The following IQANK1 variants were observed in gnomAD, a reference collection of about 807,000 sequenced individuals.
IQANK1 encodes the protein IQ motif and ankyrin repeat domain-containing protein 1.
IQANK1 carries 30 observed loss-of-function variants against 22.6 expected under a neutral mutation model. The ratio of observed to expected loss-of-function variants is 1.33; its 90% CI spans 0.99 to 1.80. The LOEUF (loss-of-function observed/expected upper bound fraction) is 1.80. Among genes scored for constraint, IQANK1 ranks in the 40% most tolerant of loss-of-function variants. The probability of loss-of-function intolerance (pLI) is 0.00; values close to 1 mark genes in which losing one functional copy is unlikely to be tolerated. For missense variants in IQANK1, 275 were observed against 235.2 expected (o/e 1.17, Z -1.11); for synonymous variants, 122 against 99.6 (o/e 1.23, Z -1.34).
At chr8:143,776,864 G>A (rs546358055) in intron 7 of IQANK1, among the ~76,000 whole-genome samples, 14 of 152,216 alleles carry the variant, frequency 9.2e-5, no homozygotes, top group African/African-American at 3.4e-4. Context: ...GCCTACTCCC[G>A]TCAGCCAGGG....
intron 3 of IQANK1, among the ~76,000 whole-genome samples, chr8:143,766,113 T>C (rs1379877310): frequency 6.6e-6 from 1 of 152,126 alleles, no homozygotes; most frequent in Non-Finnish European, 1.5e-5. Flanking sequence ...GTGCGTGGTA[T>C]TAGGTGAGGT....
chr8:143,736,923 G>A (rs1472239819), intron 2 of IQANK1, among the ~76,000 whole-genome samples: 1 of 152,144 alleles, frequency 6.6e-6, no homozygotes, highest in Admixed American at 6.5e-5. Flanking sequence ...ACTGGGGTCT[G>A]TGCTTGCTAA....
chr8:143,745,188 A>G (rs1352711006), intron 3 of IQANK1: 1 of 152,240 alleles, frequency 6.6e-6, no homozygotes, highest in Non-Finnish European at 1.5e-5. Context: ...TTTCACTCAA[A>G]TCTGGAAACT....
chr8:143,780,085 C>G (rs529919165), intron 7 of IQANK1, among the ~76,000 whole-genome samples: 1 of 152,104 alleles, frequency 6.6e-6, no homozygotes, highest in African/African-American at 2.4e-5. Flanking sequence ...CATGTAGTAA[C>G]TACCTGACTC....
chr8:143,767,877 C>CTTTTTTT (rs782768885), intron 3 of IQANK1, among the ~76,000 whole-genome samples: 1 of 78,788 alleles, frequency 1.3e-5, no homozygotes, highest in Admixed American at 1.4e-4. Flanking sequence ...GGAGCGAGAC[C>CTTTTTTT]TTTTTTTTTT....
At chr8:143,762,383 G>A (rs1181344721) in intron 3 of IQANK1, among the ~76,000 whole-genome samples, 7 of 151,986 alleles carry the variant, frequency 4.6e-5, no homozygotes, top group Admixed American at 3.3e-4. Context: ...CAGTGTAGAC[G>A]GCTGGATGTT....
intron 7 of IQANK1, among the ~76,000 whole-genome samples, chr8:143,773,345 GC>G (rs1819622980): frequency 1.3e-5 from 2 of 148,844 alleles, no homozygotes; most frequent in South Asian, 4.2e-4. Flanking sequence ...AACAGAGTCT[GC>G]CCTGGGCCAG....
chr8:143,748,454 A>G (rs905000713), intron 3 of IQANK1, among the ~76,000 whole-genome samples: 2 of 142,808 alleles, frequency 1.4e-5, no homozygotes, highest in African/African-American at 2.6e-5. Flanking sequence ...TATATATCAT[A>G]TATAAATATA....
chr8:143,770,098 T>C (rs782547464), intron 3 of IQANK1, among the ~76,000 whole-genome samples: 23 of 152,178 alleles, frequency 1.5e-4, no homozygotes, highest in Non-Finnish European at 2.8e-4. Flanking sequence ...TGAGACCCTG[T>C]CTCAAAAAGA....
In IQANK1 at chr8:143,788,938, G is replaced by A. The variant is rs1554631758; in HGVS notation, c.813G>A (p.Val271=). Residue 271 remains valine (V), a synonymous_variant, in exon 8 of 14, where the codon GTG becomes GTA. Transcript: ENST00000527139. ...PERVASLDTV[V]SVLRSWDLSL... The stretch of plus-strand genomic sequence containing the variant: ...AGGTGGCCTCACTGGACACAGTGGT[G>A]AGCGTGCTGCGCTCGTGGGACCTGA... The A allele has an allele frequency of 1.8e-5, 7 of 399,108 alleles. No individual in the cohort carries two copies. The highest frequency in any genetic ancestry group is 2.7e-5 in the Non-Finnish European group (6 of 226,196). 24.7% of individuals were successfully genotyped at this position (399,108 alleles called of 1,614,324 possible). A position where few individuals can be genotyped will look rare whatever the true frequency, so the allele number is the denominator to read the frequency against.
rs1327477980 is a variant in IQANK1, at chr8:143,790,028, T to C, written c.1253T>C (p.Met418Thr). 2.0e-5 allele frequency: 25 copies of C among 1,231,950 alleles called. No homozygotes were observed. Among genetic ancestry groups the C allele is most frequent in the Non-Finnish European group, 2.4e-5 (24 of 988,026 alleles). The allele number at this position is 1,231,950 out of a possible 1,614,324, so 76.3% of individuals were successfully genotyped here. The change falls in exon 12 of 14, where the codon ATG becomes ACG. Residue 418 changes from methionine to threonine, a missense_variant. Met to Thr is a moderately conservative substitution (Grantham distance 81). Coordinates refer to ENST00000527139, the MANE Select transcript of IQANK1 (RefSeq NM_001381874.1). ...GTCACCGAGCTGCACGATGTGCTGATGAAAGATGTAGGCAACCGCATCCGT... is the reference window on the plus strand; with the variant it reads ...GTCACCGAGCTGCACGATGTGCTGACGAAAGATGTAGGCAACCGCATCCGT... ...CQVTELHDVL[M>T]KDVGNRIRAD...
intron 3 of IQANK1, among the ~76,000 whole-genome samples, chr8:143,749,921 A>G (rs1819155043): frequency 6.6e-6 from 1 of 151,698 alleles, no homozygotes; most frequent in Admixed American, 6.6e-5. Flanking sequence ...GTTATTATAT[A>G]TTCTTGCTAT....
At chr8:143,742,765 A>C (rs1401802248) in intron 3 of IQANK1, 14 of 454,216 alleles carry the variant, frequency 3.1e-5, no homozygotes, top group African/African-American at 2.9e-4. Context: ...CTCCAACCAG[A>C]CAGTGTGGCC....
chr8:143,786,844 CAGG>C (rs1386731922), intron 7 of IQANK1, among the ~76,000 whole-genome samples: 1 of 152,116 alleles, frequency 6.6e-6, no homozygotes, highest in Non-Finnish European at 1.5e-5. Flanking sequence ...AGCTTCCAGA[CAGG>C]AGGACTGGCC....
At chr8:143,782,389 G>A (rs1300657785) in intron 7 of IQANK1, among the ~76,000 whole-genome samples, 3 of 152,190 alleles carry the variant, frequency 2.0e-5, no homozygotes, top group Admixed American at 2.0e-4. Context: ...TCTTGTGCCA[G>A]TTTTCAAGGG....
chr8:143,778,642 G>A (rs1434813176), intron 7 of IQANK1, among the ~76,000 whole-genome samples: 5 of 152,196 alleles, frequency 3.3e-5, no homozygotes, highest in African/African-American at 9.6e-5. Context: ...GCTGAACCAC[G>A]CTGTCCATCA....
At chr8:143,788,311 T>C (rs1169920040) in intron 7 of IQANK1, among the ~76,000 whole-genome samples, 2 of 152,138 alleles carry the variant, frequency 1.3e-5, no homozygotes, top group Non-Finnish European at 2.9e-5. Context: ...CCTCCAAGCA[T>C]CACCCCTGCT....
chr8:143,757,482 G>A (rs1195939475), intron 3 of IQANK1, among the ~76,000 whole-genome samples: 3 of 151,794 alleles, frequency 2.0e-5, no homozygotes, highest in Non-Finnish European at 2.9e-5. Flanking sequence ...GACTATAGGC[G>A]CCCGCCACCA....
Position 143,773,717 on chromosome 8 carries a change from T to A in IQANK1, c.789+1235T>A, listed in dbSNP as rs532200722. Among the ~76,000 whole-genome samples, 144 of 152,278 alleles carry A rather than the reference T, an allele frequency of 9.5e-4. 1 individual carries two copies. The Middle Eastern group carries it at 0.017, about 18-fold the overall frequency. The stretch of plus-strand genomic sequence containing the variant: ...CTCCTGTAGGTGCTGCCTGGGAGCC[T>A]GTCCTGCCCCTCTCTTCTTTCTCCT... On this transcript the variant is annotated intron_variant, in intron 7 of 13. Coordinates refer to ENST00000527139, the MANE Select transcript of IQANK1 (RefSeq NM_001381874.1).
Sources: allele counts gnomAD v4.1 joint callset (sites outside exome capture counted in the v4.1 genomes callset), GRCh38; gene constraint gnomAD v4.1.1; transcripts MANE v1.5; gene names NCBI Gene and HGNC (gene_info 2026-07-23, HGNC 2026-07-21).